The following RAPGEF1 variants were observed in gnomAD, a reference collection of about 807,000 sequenced individuals.
RAPGEF1 encodes the protein Rap guanine nucleotide exchange factor 1.
A neutral mutation model predicts 143.3 loss-of-function variants in RAPGEF1; 33 were observed. The ratio of observed to expected loss-of-function variants is 0.23; its 90% confidence interval spans 0.17 to 0.31. The LOEUF (loss-of-function observed/expected upper bound fraction) is 0.31, where lower values mean the gene tolerates loss of function less well. Ranked by LOEUF, RAPGEF1 falls within the 10% of genes least tolerant of loss-of-function variation. The pLI is 1.00. For synonymous variants in RAPGEF1, 629 were observed against 676.5 expected, an observed-to-expected ratio of 0.93 and a Z score of 1.09; for missense variants, 1,199 against 1,645.4, an observed-to-expected ratio of 0.73 and a Z score of 4.69.
At chr9:131,653,766 C>G (rs999755698) in intron 1 of RAPGEF1, among the ~76,000 whole-genome samples, 3 of 152,180 alleles carry the variant, frequency 2.0e-5, no homozygotes, top group African/African-American at 7.2e-5. Flanking sequence ...AAATTCCACT[C>G]CTGGGCAGAT....
At chr9:131,643,107 G>A in intron 4 of RAPGEF1, 132 bp downstream of exon 4, 2 of 1,028,346 alleles carry the variant, frequency 1.9e-6, no homozygotes, top group Non-Finnish European at 2.8e-6. Flanking sequence ...GAGTGGTCAG[G>A]GGAAGGATGA....
At chr9:131,739,410 G>C (rs1473678026) in intron 1 of RAPGEF1, among the ~76,000 whole-genome samples, 1 of 152,182 alleles carries the variant, frequency 6.6e-6, no homozygotes, top group African/African-American at 2.4e-5. Flanking sequence ...CCCAGGCCGG[G>C]CACCGATCGC....
Position 131,588,851 on chromosome 9 carries a change from G to C in RAPGEF1, c.3003C>G (p.Leu1001=). The stretch of plus-strand genomic sequence containing the variant: ...GGGGCTGGCTGGAGGTGGCACACCT[G>C]AGTAGCTTCTTCTGGTCCACCTTGT... ...ILDKVDQKKL[L]RCATSSQPLA... Residue 1001 remains leucine, a synonymous_variant, in exon 20 of 27, where the codon CTC becomes CTG. Coordinates refer to ENST00000683357, the MANE Select transcript of RAPGEF1 (RefSeq NM_001377935.1). 6.2e-7 allele frequency: 1 copy of C among 1,613,886 alleles called. No homozygotes were observed. The highest frequency in any genetic ancestry group is 8.5e-7 in the Non-Finnish European group (1 of 1,179,822).
chr9:131,712,784 T>C (rs1237301299), intron 1 of RAPGEF1, among the ~76,000 whole-genome samples: 1 of 152,210 alleles, frequency 6.6e-6, no homozygotes, highest in Non-Finnish European at 1.5e-5. Flanking sequence ...GAGAACAGCT[T>C]TGAAATGAGG....
intron 1 of RAPGEF1, among the ~76,000 whole-genome samples, chr9:131,654,229 A>G (rs1971819453): frequency 6.6e-6 from 1 of 151,808 alleles, no homozygotes; most frequent in South Asian, 2.1e-4. Flanking sequence ...AGCCCAGTGA[A>G]TTACTAGAAA....
At chr9:131,618,224 C>T (rs1195068636) in intron 12 of RAPGEF1, among the ~76,000 whole-genome samples, 1 of 152,172 alleles carries the variant, frequency 6.6e-6, no homozygotes, top group Non-Finnish European at 1.5e-5. Context: ...TTTGGAAGCC[C>T]GCCAGCTGTC....
intron 1 of RAPGEF1, among the ~76,000 whole-genome samples, chr9:131,672,267 C>T (rs949948425): frequency 6.6e-6 from 1 of 152,246 alleles, no homozygotes; most frequent in African/African-American, 2.4e-5. Flanking sequence ...ACCAAGTACA[C>T]AAAATATGTC....
Position 131,650,500 on chromosome 9 carries a change from G to A in RAPGEF1, c.202-258C>T, listed in dbSNP as rs564981934. 6.6e-6 allele frequency among the ~76,000 whole-genome samples: 1 copy of A among 152,242 alleles called. No homozygotes were observed. Among genetic ancestry groups the A allele is most frequent in the South Asian group, 2.1e-4 (1 of 4,832 alleles). On this transcript the variant is annotated intron_variant, in intron 2 of 26. Transcript: ENST00000683357. The surrounding 1 kb of genome is among the most constrained non-coding windows in gnomAD (Gnocchi z 4.7). The stretch of plus-strand genomic sequence containing the variant: ...TTGAGTGTGCGCCAAGGCAACGTAG[G>A]GAACTGCAGGGCAGGGAGGCAGCAG...
intron 11 of RAPGEF1, among the ~76,000 whole-genome samples, chr9:131,620,904 C>T (rs1960758981): frequency 6.6e-6 from 1 of 152,228 alleles, no homozygotes. Context: ...CACCAGTCGC[C>T]TCCTGGTAGA....
intron 1 of RAPGEF1, among the ~76,000 whole-genome samples, chr9:131,732,523 G>A (rs911176111): frequency 6.6e-5 from 10 of 152,176 alleles, no homozygotes; most frequent in African/African-American, 2.2e-4. Flanking sequence ...ACCGAGTGGC[G>A]GCTCAGCCTT....
intron 3 of RAPGEF1, among the ~76,000 whole-genome samples, chr9:131,644,886 T>C (rs1969116310): frequency 6.6e-6 from 1 of 152,196 alleles, no homozygotes; most frequent in Admixed American, 6.5e-5. Flanking sequence ...TTCATGGGAA[T>C]GTCAAAAGAA....
chr9:131,609,976 A>G (rs1024780830), intron 12 of RAPGEF1, among the ~76,000 whole-genome samples: 1 of 152,128 alleles, frequency 6.6e-6, no homozygotes, highest in Non-Finnish European at 1.5e-5. Flanking sequence ...GGCTCACTGT[A>G]GCCTCAACCT....
In RAPGEF1 at chr9:131,641,995, A is replaced by G. The variant is rs1322443053; in HGVS notation, c.494+1244T>C. Among the ~76,000 whole-genome samples, 1 of 152,266 alleles carries G rather than the reference A, an allele frequency of 6.6e-6. No individual in the cohort carries two copies. The highest frequency in any genetic ancestry group is 1.5e-5 in the Non-Finnish European group (1 of 68,044). ...TAAAAGCTTAGCCTCATGGGGCTAAATGAACACTAAGTCATCTTGCGGAAT... is the reference window on the plus strand; with the variant it reads ...TAAAAGCTTAGCCTCATGGGGCTAAGTGAACACTAAGTCATCTTGCGGAAT... On this transcript the variant is annotated intron_variant, in intron 4 of 26. Transcript: ENST00000683357. This position sits in a 1 kb window ranked among gnomAD's most constrained non-coding sequence, Gnocchi z 4.6.
intron 1 of RAPGEF1, among the ~76,000 whole-genome samples, chr9:131,658,915 T>C (rs1447062313): frequency 6.6e-6 from 1 of 152,232 alleles, no homozygotes; most frequent in Admixed American, 6.5e-5. Context: ...GGTTCCCAAC[T>C]TAGCAGTGGT....
At chr9:131,594,131 C>A (rs1954835101) in intron 17 of RAPGEF1, among the ~76,000 whole-genome samples, 1 of 152,200 alleles carries the variant, frequency 6.6e-6, no homozygotes, top group Non-Finnish European at 1.5e-5. Flanking sequence ...AGCCCTCCCC[C>A]ATCTGCTGTG....
At position 131,629,223 on chromosome 9, in the gene RAPGEF1, C is replaced by T; in HGVS notation, c.772G>A (p.Val258Ile). The change falls in exon 7 of 27, where the codon GTA (valine) becomes ATA (isoleucine). Residue 258 changes from valine to isoleucine, a missense_variant. Coordinates refer to ENST00000683357, the MANE Select transcript of RAPGEF1 (RefSeq NM_001377935.1). ...PAELPLTDRE[V>I]EILNKTTGMS... The stretch of plus-strand genomic sequence containing the variant: ...CCAGTCGTCTTGTTTAGGATCTCTA[C>T]CTCGCGGTCTGTCAGGGGGAGCTCT... 1.2e-6 allele frequency: 2 copies of T among 1,613,968 alleles called. No individual in the cohort carries two copies. Among genetic ancestry groups the T allele is most frequent in the Admixed American group, 1.7e-5 (1 of 60,014 alleles).
intron 15 of RAPGEF1, 173 bp from the exon 16 acceptor site, chr9:131,598,483 G>A (rs560881957): frequency 1.4e-6 from 1 of 701,828 alleles, no homozygotes; most frequent in South Asian, 1.5e-5. Flanking sequence ...GACTGGCTGT[G>A]TGGCCATAGG....
intron 25 of RAPGEF1, among the ~76,000 whole-genome samples, chr9:131,580,664 G>A (rs1413151618): frequency 2.0e-5 from 3 of 152,068 alleles, no homozygotes; most frequent in African/African-American, 2.4e-5. Flanking sequence ...CCATAAGGGC[G>A]AAGCTGTGGG....
chr9:131,590,592 G>A (rs1025919913), intron 18 of RAPGEF1, among the ~76,000 whole-genome samples: 1 of 152,196 alleles, frequency 6.6e-6, no homozygotes, highest in African/African-American at 2.4e-5. Flanking sequence ...TCTGCTTTGT[G>A]GTCAGGGTTT....
Sources: gnomAD v4.1 joint callset for allele counts (sites outside exome capture counted in the v4.1 genomes callset) on GRCh38, gnomAD v4.1.1 for gene constraint, Gnocchi (gnomAD v3.1) non-coding constraint, MANE v1.5 for transcripts, NCBI Gene and HGNC (gene_info 2026-07-23, HGNC 2026-07-21) for gene names.